CEP290: variants seen among roughly 807,000 people sequenced by gnomAD.
The protein encoded by CEP290 is centrosomal protein 290.
Under a neutral mutation model 344.9 loss-of-function variants are expected in CEP290, and 317 were observed. The observed-to-expected ratio is 0.92, with a 90% CI of 0.84 to 1.01. The LOEUF (loss-of-function observed/expected upper bound fraction) is 1.01, where lower values mean the gene tolerates loss of function less well. Ranked by LOEUF, CEP290 falls within the 50% of genes least tolerant of loss-of-function variation. CEP290 has a pLI of 0.00. For missense variants in CEP290, 2,754 were observed against 2,761.4 expected (o/e 1.00, Z 0.06); for synonymous variants, 932 against 895.8 (o/e 1.04, Z -0.72).
intron 41 of CEP290, among the ~76,000 whole-genome samples, chr12:88,074,096 G>T (rs2035583800): frequency 6.6e-6 from 1 of 151,946 alleles, no homozygotes; most frequent in African/African-American, 2.4e-5. Context: ...GTGGTGCCAG[G>T]CACCTGTAAT....
chr12:88,118,116 T>G (rs1398694217), intron 17 of CEP290, among the ~76,000 whole-genome samples: 1 of 151,798 alleles, frequency 6.6e-6, no homozygotes, highest in Non-Finnish European at 1.5e-5. Flanking sequence ...AAAGGGAAAA[T>G]GTTGAGTAAC....
chr12:88,085,800 A>T (rs1474994805), intron 34 of CEP290, among the ~76,000 whole-genome samples: 1 of 152,140 alleles, frequency 6.6e-6, no homozygotes, highest in Non-Finnish European at 1.5e-5. Flanking sequence ...AATGCTTTTT[A>T]TTTCCTTTCA....
rs2033943524 is a variant in CEP290, at chr12:88,055,694, T to A, written c.6842A>T (p.Glu2281Val). 6.5e-7 allele frequency: 1 copy of A among 1,536,624 alleles called. No individual in the cohort carries two copies. Among genetic ancestry groups the A allele is most frequent in the Non-Finnish European group, 8.8e-7 (1 of 1,138,590 alleles). Residue 2281 changes from glutamate (E) to valine (V), a missense_variant, in exon 50 of 54, where the codon GAA becomes GTA. Coordinates refer to ENST00000552810, the MANE Select transcript of CEP290 (RefSeq NM_025114.4). ...TTTTTTGGCAATATCAGTTTCCAAT[T>A]CTTTTAACTTGGTTTCATACATTCT... Reference protein sequence around the residue: ...VTRMYETKLKELETDIAKKNQ... With the variant: ...VTRMYETKLKVLETDIAKKNQ...
At chr12:88,131,239 A>G (rs555977121) in intron 6 of CEP290, 21 bp from the exon 7 acceptor site, 118 of 1,445,782 alleles carry the variant, frequency 8.2e-5, no homozygotes, top group Non-Finnish European at 9.8e-5. Flanking sequence ...AAAAAAAAAA[A>G]ATAAATAAGA....
At chr12:88,052,558 T>G (rs1565780867) in intron 52 of CEP290, among the ~76,000 whole-genome samples, 1 of 152,290 alleles carries the variant, frequency 6.6e-6, no homozygotes, top group African/African-American at 2.4e-5. Flanking sequence ...CATAGTAGTT[T>G]TGGTCTATAA....
chr12:88,131,304 C>T (rs1281681433), intron 6 of CEP290, 86 bp from the exon 7 acceptor site: 8 of 1,024,358 alleles, frequency 7.8e-6, no homozygotes, highest in Non-Finnish European at 1.1e-5. Context: ...GTCTTTGTCG[C>T]CTAGGCTGGA....
intron 20 of CEP290, 95 bp from the exon 21 acceptor site, chr12:88,111,953 A>T: frequency 2.5e-6 from 2 of 814,406 alleles, no homozygotes; most frequent in East Asian, 6.4e-5. Flanking sequence ...ACATTTAAGC[A>T]TTTTCCTATT....
At chr12:88,139,840 C>T (rs1298306775) in intron 3 of CEP290, among the ~76,000 whole-genome samples, 1 of 152,142 alleles carries the variant, frequency 6.6e-6, no homozygotes, top group Non-Finnish European at 1.5e-5. Context: ...GCAATCTTCC[C>T]ATCTCAGTCT....
At chr12:88,128,565 G>C (rs1287813583) in intron 11 of CEP290, among the ~76,000 whole-genome samples, 3 of 152,016 alleles carry the variant, frequency 2.0e-5, no homozygotes, top group African/African-American at 7.2e-5. Flanking sequence ...TGATGAACCT[G>C]ACATTTAGTT....
At chr12:88,111,907 T>C (rs2038718713) in intron 20 of CEP290, 49 bp from the exon 21 acceptor site, 1 of 1,327,826 alleles carries the variant, frequency 7.5e-7, no homozygotes, top group Non-Finnish European at 1.0e-6. Context: ...AACAGTAAAA[T>C]CATAGTAAAA....
intron 17 of CEP290, among the ~76,000 whole-genome samples, chr12:88,117,351 T>C (rs1222327374): frequency 6.6e-6 from 1 of 152,234 alleles, no homozygotes; most frequent in Non-Finnish European, 1.5e-5. Flanking sequence ...AACCTAATTT[T>C]TGAATTTCAT....
chr12:88,083,761 C>A, intron 36 of CEP290, 86 bp downstream of exon 36: 1 of 853,316 alleles, frequency 1.2e-6, no homozygotes, highest in Non-Finnish European at 1.9e-6. Flanking sequence ...AGGGTAACTT[C>A]CATTCCAAAA....
At chr12:88,104,049 C>T (rs964562148) in intron 25 of CEP290, 1 of 151,552 alleles carries the variant, frequency 6.6e-6, no homozygotes, top group South Asian at 2.1e-4. Flanking sequence ...CAAACACTAA[C>T]TGTATTTATA....
chr12:88,135,670 C>T (rs1406911467), intron 6 of CEP290: 4 of 152,184 alleles, frequency 2.6e-5, no homozygotes, highest in Non-Finnish European at 5.9e-5. Flanking sequence ...CTTTTCCTTA[C>T]AAATCAATTT....
intron 26 of CEP290, among the ~76,000 whole-genome samples, 166 bp from the exon 27 acceptor site, chr12:88,097,165 T>C (rs1274022323): frequency 6.6e-6 from 1 of 152,098 alleles, no homozygotes; most frequent in Non-Finnish European, 1.5e-5. Flanking sequence ...TACAAACACA[T>C]ACATATATAT....
At chr12:88,070,503 A>G (rs575248599) in intron 43 of CEP290, among the ~76,000 whole-genome samples, 1 of 152,200 alleles carries the variant, frequency 6.6e-6, no homozygotes, top group South Asian at 2.1e-4. Flanking sequence ...CTGTTCTTTC[A>G]TGCCCCAACC....
intron 43 of CEP290, among the ~76,000 whole-genome samples, chr12:88,070,512 C>T (rs2035290749): frequency 6.6e-6 from 1 of 152,082 alleles, no homozygotes; most frequent in Non-Finnish European, 1.5e-5. Flanking sequence ...CATGCCCCAA[C>T]CCTTAAGCCA....
Position 88,083,104 on chromosome 12 carries a change from C to T in CEP290, c.4939G>A (p.Val1647Ile), listed in dbSNP as rs762153051. Reference protein sequence around the residue: ...LSSLLVKLKKVSQDLERQREI... With the variant: ...LSSLLVKLKKISQDLERQREI... ...CTTTGTCTCTCCAAATCTTGTGATA[C>T]TTTCTTTAGTTTGACCAAGAGTGAG... The change falls in exon 37 of 54, where the codon GTA becomes ATA. Residue 1647 changes from valine to isoleucine, a missense_variant. Val to Ile is a conservative substitution (Grantham distance 29, BLOSUM62 3). Transcript: ENST00000552810. The T allele has an allele frequency of 1.3e-5, 20 of 1,540,442 alleles. No individual in the cohort carries two copies. The South Asian group carries it at 2.4e-4, about 18-fold the overall frequency.
At chr12:88,090,899 A>C in intron 29 of CEP290, 60 bp from the exon 30 acceptor site, 1 of 1,048,682 alleles carries the variant, frequency 9.5e-7, no homozygotes, top group Non-Finnish European at 1.4e-6. Flanking sequence ...AAATGCCAAA[A>C]TTCAAAATTT....
Sources: allele counts gnomAD v4.1 joint callset (sites outside exome capture counted in the v4.1 genomes callset), GRCh38; gene constraint gnomAD v4.1.1; transcripts MANE v1.5; gene names NCBI Gene and HGNC (gene_info 2026-07-23, HGNC 2026-07-21).